The following MOSMO variants were observed in gnomAD, a reference collection of about 807,000 sequenced individuals.
The protein encoded by MOSMO is modulator of smoothened, also known as modulator of smoothened protein.
Under a neutral mutation model 18.4 loss-of-function variants are expected in MOSMO, and 5 were observed. The observed-to-expected ratio is 0.27, with a 90% confidence interval of 0.14 to 0.57. The LOEUF is 0.57. Among genes scored for constraint, MOSMO ranks in the 20% least tolerant of loss-of-function variants. MOSMO has a pLI of 0.92. For synonymous variants in MOSMO, 82 were observed against 82.3 expected, an observed-to-expected ratio of 1.00 and a Z score of 0.02; for missense variants, 138 against 211.8, an observed-to-expected ratio of 0.65 and a Z score of 2.16.
rs984385307 is a variant in MOSMO, at chr16:22,082,382, C to T, written c.*1502C>T. 2 of 152,168 alleles carry T rather than the reference C, an allele frequency of 1.3e-5. No individual in the cohort carries two copies. The highest frequency in any genetic ancestry group is 2.4e-5 in the African/African-American group (1 of 41,448). The allele number at this position is 152,168 out of a possible 1,614,324, so 9.4% of individuals were successfully genotyped here. On this transcript the variant is annotated 3_prime_UTR_variant, in exon 3 of 3. Coordinates refer to ENST00000542527, the MANE Select transcript of MOSMO (RefSeq NM_001164579.2). ...TCTCCACATCTCCATGCCTTCGCAT[C>T]AATGCTTGTTTTTCCTGGTGAACAC... is the stretch of plus-strand genomic sequence containing the variant.
intron 1 of MOSMO, among the ~76,000 whole-genome samples, chr16:22,047,865 A>C (rs1900345898): frequency 6.6e-6 from 1 of 152,010 alleles, no homozygotes; most frequent in South Asian, 2.1e-4. Flanking sequence ...TTTACATCTA[A>C]CAGTTACAGC....
At chr16:22,045,513 T>C (rs943500666) in intron 1 of MOSMO, among the ~76,000 whole-genome samples, 4 of 152,160 alleles carry the variant, frequency 2.6e-5, no homozygotes, top group Admixed American at 2.0e-4. Context: ...AAAAATTTGC[T>C]TTTTGCATTT....
intron 1 of MOSMO, among the ~76,000 whole-genome samples, chr16:22,061,329 C>G (rs1175889788): frequency 6.6e-6 from 1 of 152,118 alleles, no homozygotes; most frequent in African/African-American, 2.4e-5. Flanking sequence ...TTATCAGAAG[C>G]CTTTTAGGAT....
At chr16:22,043,907 T>A (rs1023671224) in intron 1 of MOSMO, among the ~76,000 whole-genome samples, 3 of 151,542 alleles carry the variant, frequency 2.0e-5, no homozygotes, top group Non-Finnish European at 4.4e-5. Flanking sequence ...GAAAAAGAGG[T>A]TTAATGGACT....
downstream of MOSMO, among the ~76,000 whole-genome samples, chr16:22,088,222 G>A (rs1253466888): frequency 6.6e-6 from 1 of 152,080 alleles, no homozygotes; most frequent in Non-Finnish European, 1.5e-5. Flanking sequence ...ATAGAGATGG[G>A]GGTCTCAGTA....
chr16:22,042,280 A>AT (rs1441661243), intron 1 of MOSMO, among the ~76,000 whole-genome samples: 5 of 152,104 alleles, frequency 3.3e-5, no homozygotes, highest in Non-Finnish European at 7.4e-5. Flanking sequence ...TAGGTGGCAT[A>AT]TGAGTTTTTG....
chr16:22,029,445 T>C (rs1490426415), intron 1 of MOSMO, among the ~76,000 whole-genome samples: 1 of 152,194 alleles, frequency 6.6e-6, no homozygotes. Flanking sequence ...TTTCCTTTTC[T>C]TCAGAATTCA....
At chr16:22,061,929 A>G (rs1415478957) in intron 1 of MOSMO, among the ~76,000 whole-genome samples, 1 of 152,220 alleles carries the variant, frequency 6.6e-6, no homozygotes, top group Non-Finnish European at 1.5e-5. Context: ...AACTACAATG[A>G]GAAAACAAGC....
Position 22,034,744 on chromosome 16 carries a change from GTTTTTTTTTT to G in MOSMO, c.106+26358_106+26367del, listed in dbSNP as rs890874059. ...CTGTTTTTTTTGTTTGTTTTTTTGG[GTTTTTTTTTT>G]TTTTTTTTTTTTTTTTTTTTAAAGA... On this transcript the variant is annotated intron_variant, in intron 1 of 2. Transcript: ENST00000542527. Among the ~76,000 whole-genome samples the G allele has an allele frequency of 2.2e-4, 12 of 55,464 alleles. No homozygotes were observed. The South Asian group carries it at 3.5e-3, about 16-fold the overall frequency. 36.4% of individuals were successfully genotyped at this position (55,464 alleles called of 152,430 possible). A position where few individuals can be genotyped will look rare whatever the true frequency, so the allele number is the denominator to read the frequency against.
chr16:22,039,018 C>T (rs1900161454), intron 1 of MOSMO, among the ~76,000 whole-genome samples: 1 of 152,136 alleles, frequency 6.6e-6, no homozygotes, highest in Admixed American at 6.5e-5. Context: ...ATTACTTAAC[C>T]TTCTCTCAGC....
intron 1 of MOSMO, among the ~76,000 whole-genome samples, chr16:22,009,179 G>A (rs933942494): frequency 5.9e-5 from 9 of 152,158 alleles, no homozygotes; most frequent in Non-Finnish European, 1.2e-4. Context: ...TTTAGGCCCG[G>A]GAGCTATAAT....
intron 1 of MOSMO, among the ~76,000 whole-genome samples, chr16:22,011,164 A>G (rs1899520402): frequency 6.6e-6 from 1 of 152,154 alleles, no homozygotes; most frequent in African/African-American, 2.4e-5. Context: ...GTGGAAGTTG[A>G]TGGTCATGAA....
intron 1 of MOSMO, among the ~76,000 whole-genome samples, chr16:22,008,745 TAAAA>T (rs71151659): frequency 3.9e-4 from 52 of 132,134 alleles, no homozygotes; most frequent in Admixed American, 1.1e-3. Context: ...CGTTCTGGAT[TAAAA>T]AAAAAAAAAA....
Position 22,080,963 on chromosome 16 carries a change from A to C in MOSMO, c.*83A>C, listed in dbSNP as rs1901067348. ...TTGGAGGGTGGAGAGGACAAAGGCG[A>C]GGCATCTGAGCAGGCCTCTCATGGG... On this transcript the variant is annotated 3_prime_UTR_variant, in exon 3 of 3. Transcript: ENST00000542527. The C allele has an allele frequency of 1.6e-6, 1 of 613,982 alleles. No individual in the cohort carries two copies. The highest frequency in any genetic ancestry group is 1.9e-5 in the African/African-American group (1 of 52,506). 38.0% of individuals were successfully genotyped at this position (613,982 alleles called of 1,614,324 possible).
At chr16:22,012,670 T>G (rs534980583) in intron 1 of MOSMO, among the ~76,000 whole-genome samples, 67 of 151,002 alleles carry the variant, frequency 4.4e-4, no homozygotes, top group Non-Finnish European at 6.5e-4. Flanking sequence ...GTGCTGTTCT[T>G]CCTCTTCCAG....
chr16:22,077,053 T>C (rs534253365), intron 2 of MOSMO, among the ~76,000 whole-genome samples: 1 of 152,178 alleles, frequency 6.6e-6, no homozygotes, highest in Non-Finnish European at 1.5e-5. Context: ...GATGAGAAAT[T>C]TAAAGAGAAT....
At chr16:22,071,571 G>A (rs1900852821) in intron 1 of MOSMO, among the ~76,000 whole-genome samples, 3 of 152,180 alleles carry the variant, frequency 2.0e-5, no homozygotes, top group Non-Finnish European at 2.9e-5. Flanking sequence ...GATGATGAGC[G>A]TCGAAGCTTC....
chr16:22,050,892 A>C (rs1298023899), intron 1 of MOSMO, among the ~76,000 whole-genome samples: 3 of 151,278 alleles, frequency 2.0e-5, no homozygotes, highest in African/African-American at 7.3e-5. Context: ...CTTAAGAAAA[A>C]AAAAAAAAAA....
In MOSMO at chr16:22,040,398, C is replaced by T. The variant is rs145601791; in HGVS notation, c.106+31991C>T. Among the ~76,000 whole-genome samples the T allele has an allele frequency of 1.3e-4, 20 of 152,186 alleles. 1 individual carries two copies. The East Asian group carries it at 3.7e-3, about 28-fold the overall frequency. Reference sequence around the variant, plus strand: ...TACCTATGTAACCTGCACATGTACCCCTGAACTTAAAAGTATTTTAAAAAT... The same window carrying T: ...TACCTATGTAACCTGCACATGTACCTCTGAACTTAAAAGTATTTTAAAAAT... On this transcript the variant is annotated intron_variant, in intron 1 of 2. Coordinates refer to ENST00000542527, the MANE Select transcript of MOSMO (RefSeq NM_001164579.2).
Sources: allele counts gnomAD v4.1 joint callset (sites outside exome capture counted in the v4.1 genomes callset), GRCh38; gene constraint gnomAD v4.1.1; transcripts MANE v1.5; gene names NCBI Gene and HGNC (gene_info 2026-07-23, HGNC 2026-07-21).